ARHGAP20: variants seen among roughly 807,000 people sequenced by gnomAD.
The protein encoded by ARHGAP20 is Rho GTPase activating protein 20, also known as rho GTPase-activating protein 20.
A neutral mutation model predicts 73.7 loss-of-function variants in ARHGAP20; 34 were observed. The observed-to-expected ratio is 0.46, with a 90% CI of 0.35 to 0.61. The LOEUF is 0.61. Among genes scored for constraint, ARHGAP20 ranks in the 20% least tolerant of loss-of-function variants. ARHGAP20 has a pLI of 0.00. For synonymous variants in ARHGAP20, 523 were observed against 518.2 expected (o/e 1.01, Z -0.13); for missense variants, 1,314 against 1,420.9 (o/e 0.92, Z 1.21).
At chr11:110,661,234 C>T (rs1445757521) in intron 2 of ARHGAP20, among the ~76,000 whole-genome samples, 1 of 152,038 alleles carries the variant, frequency 6.6e-6, no homozygotes, top group African/African-American at 2.4e-5. Context: ...TATCCAGGTG[C>T]ACAAACATAA....
chr11:110,635,681 T>C (rs907971457), intron 2 of ARHGAP20, among the ~76,000 whole-genome samples: 3 of 151,976 alleles, frequency 2.0e-5, no homozygotes, highest in Non-Finnish European at 4.4e-5. Context: ...ATAAGGCAAG[T>C]ATATAAATCA....
rs750118855 is a variant in ARHGAP20, at chr11:110,586,286, C to G, written c.1345G>C (p.Asp449His). The change falls in exon 12 of 15, where the codon GAT becomes CAT. Residue 449 changes from aspartate to histidine, a missense_variant. Transcript: ENST00000683387. ...RNIPGSIFSS[D>H]LYDHWVSVMD... The stretch of plus-strand genomic sequence containing the variant: ...ACAGAGACCCAGTGATCATAGAGAT[C>G]TGATGAAAAAATACTTCCTGGAATA... 1.9e-6 allele frequency: 3 copies of G among 1,573,922 alleles called. No homozygotes were observed. The highest frequency in any genetic ancestry group is 2.6e-6 in the Non-Finnish European group (3 of 1,160,068).
intron 2 of ARHGAP20, among the ~76,000 whole-genome samples, chr11:110,685,644 G>A (rs1321565631): frequency 6.6e-6 from 1 of 151,944 alleles, no homozygotes; most frequent in African/African-American, 2.4e-5. Flanking sequence ...TCCAGCTCTT[G>A]TTCATTAAAT....
chr11:110,707,924 G>A (rs186753249), intron 1 of ARHGAP20, among the ~76,000 whole-genome samples: 45 of 149,086 alleles, frequency 3.0e-4, no homozygotes, highest in East Asian at 2.3e-3. Flanking sequence ...CTAGACACAT[G>A]TGGCTCTTTA....
At chr11:110,610,997 A>C (rs1948353621) in intron 7 of ARHGAP20, among the ~76,000 whole-genome samples, 1 of 152,136 alleles carries the variant, frequency 6.6e-6, no homozygotes, top group Non-Finnish European at 1.5e-5. Flanking sequence ...ATGAAACTTT[A>C]TTAAGAAATT....
chr11:110,700,416 C>T (rs1950420777), intron 1 of ARHGAP20, among the ~76,000 whole-genome samples: 1 of 151,858 alleles, frequency 6.6e-6, no homozygotes, highest in Non-Finnish European at 1.5e-5. Context: ...ACTATTAATT[C>T]TTTTGTGGCT....
intron 2 of ARHGAP20, among the ~76,000 whole-genome samples, chr11:110,650,934 C>T (rs902472320): frequency 1.7e-4 from 26 of 151,978 alleles, no homozygotes; most frequent in Admixed American, 1.6e-3. Context: ...TTGCTACTTA[C>T]AAACTACAAA....
chr11:110,594,589 G>C (rs915314470), intron 9 of ARHGAP20, among the ~76,000 whole-genome samples: 1 of 152,072 alleles, frequency 6.6e-6, no homozygotes, highest in Non-Finnish European at 1.5e-5. Flanking sequence ...AAGTAAAGCA[G>C]TTTCTTCCTG....
rs1163487278 is a variant in ARHGAP20 at position 110,582,442 on chromosome 11, G to A, written c.1606-7C>T. The A allele has an allele frequency of 1.3e-6, 2 of 1,530,804 alleles. No individual in the cohort carries two copies. Among genetic ancestry groups the A allele is most frequent in the Admixed American group, 1.7e-5 (1 of 59,158 alleles). 94.8% of individuals were successfully genotyped at this position (1,530,804 alleles called of 1,614,324 possible). A position where few individuals can be genotyped will look rare whatever the true frequency, so the allele number is the denominator to read the frequency against. Reference sequence around the variant, plus strand: ...ATTGTATAAGCAGGGAAACCTGTAAGAAAAAGGACAAACGAAGTATTACTT... The same window carrying A: ...ATTGTATAAGCAGGGAAACCTGTAAAAAAAAGGACAAACGAAGTATTACTT... On this transcript the variant is annotated splice_region_variant and splice_polypyrimidine_tract_variant and intron_variant, in intron 13 of 14. Transcript: ENST00000683387.
intron 12 of ARHGAP20, among the ~76,000 whole-genome samples, chr11:110,585,788 A>G (rs576811694): frequency 3.3e-5 from 5 of 152,250 alleles, no homozygotes; most frequent in African/African-American, 1.2e-4. Context: ...TCTCTCTTCT[A>G]GCACTGATTG....
At chr11:110,705,287 C>A (rs961255489) in intron 1 of ARHGAP20, among the ~76,000 whole-genome samples, 11 of 152,174 alleles carry the variant, frequency 7.2e-5, no homozygotes, top group Admixed American at 5.2e-4. Flanking sequence ...CTCAGCTCTC[C>A]CCCATCCACT....
At chr11:110,599,605 G>C (rs905236201) in intron 9 of ARHGAP20, among the ~76,000 whole-genome samples, 113 of 152,318 alleles carry the variant, frequency 7.4e-4, no homozygotes, top group African/African-American at 2.6e-3. Flanking sequence ...GGGCCAGGCT[G>C]CCAGTCCTGT....
chr11:110,588,366 C>T (rs976231394), intron 11 of ARHGAP20, among the ~76,000 whole-genome samples: 5 of 152,278 alleles, frequency 3.3e-5, no homozygotes, highest in Admixed American at 1.3e-4. Context: ...ATAGTGTCTT[C>T]AGCAATTTTT....
At chr11:110,656,057 G>C (rs551860090) in intron 2 of ARHGAP20, among the ~76,000 whole-genome samples, 1 of 152,310 alleles carries the variant, frequency 6.6e-6, no homozygotes, top group South Asian at 2.1e-4. Context: ...AAAAGCAGGG[G>C]CCTTAGTGTG....
At chr11:110,627,708 T>C (rs2134946772) in intron 3 of ARHGAP20, among the ~76,000 whole-genome samples, 1 of 152,374 alleles carries the variant, frequency 6.6e-6, no homozygotes, top group East Asian at 1.9e-4. Context: ...ATAATAGTGA[T>C]GGCTTACGAG....
At chr11:110,619,915 A>G (rs758007342) in intron 4 of ARHGAP20, among the ~76,000 whole-genome samples, 3 of 152,202 alleles carry the variant, frequency 2.0e-5, no homozygotes, top group Non-Finnish European at 2.9e-5. Flanking sequence ...TAAAGCATGA[A>G]AAGCTCACAT....
rs576273292 is a variant in ARHGAP20, at chr11:110,616,407, C to T, written c.504-813G>A. On this transcript the variant is annotated intron_variant, in intron 4 of 14. Coordinates refer to ENST00000683387, the MANE Select transcript of ARHGAP20 (RefSeq NM_001384657.1). ...TATTTTTAAAGACAGGGGTCTTGCT[C>T]TGTTGCCTGGGCTGGAGTATAGAGG... is the stretch of plus-strand genomic sequence containing the variant. Among the ~76,000 whole-genome samples, 14 of 152,204 alleles carry T rather than the reference C, an allele frequency of 9.2e-5. No homozygotes were observed. In the South Asian group the frequency reaches 2.7e-3, roughly 29 times the overall value.
chr11:110,622,203 T>G (rs1159390842), intron 4 of ARHGAP20, among the ~76,000 whole-genome samples: 1 of 152,232 alleles, frequency 6.6e-6, no homozygotes, highest in Non-Finnish European at 1.5e-5. Flanking sequence ...ATGATGTAAC[T>G]GTACCCTGCT....
rs1205125874 is a variant in ARHGAP20 at position 110,578,925 on chromosome 11, A to ATTTTTCTTGCCTAC, written c.*431_*444dup. 2 of 987,048 alleles carry ATTTTTCTTGCCTAC rather than the reference A, an allele frequency of 2.0e-6. No individual in the cohort carries two copies. Among genetic ancestry groups the ATTTTTCTTGCCTAC allele is most frequent in the African/African-American group, 3.5e-5 (2 of 57,218 alleles). The allele number at this position is 987,048 out of a possible 1,614,324, so 61.1% of individuals were successfully genotyped here. A position where few individuals can be genotyped will look rare whatever the true frequency, so the allele number is the denominator to read the frequency against. On this transcript the variant is annotated 3_prime_UTR_variant, in exon 15 of 15. Coordinates refer to ENST00000683387, the MANE Select transcript of ARHGAP20 (RefSeq NM_001384657.1). ...CACACTTAATGCTTTGATTAGTGGC[A>ATTTTTCTTGCCTAC]TTTTTCTTGCCTACTTATTAAAAAC...
Sources: allele counts gnomAD v4.1 joint callset (sites outside exome capture counted in the v4.1 genomes callset), GRCh38; gene constraint gnomAD v4.1.1; transcripts MANE v1.5; gene names NCBI Gene and HGNC (gene_info 2026-07-23, HGNC 2026-07-21).